Variants in RARB observed in about 807,000 individuals in gnomAD.
The protein encoded by RARB is HBV-activated protein.
Under a neutral mutation model 51.9 loss-of-function variants are expected in RARB, and 17 were observed. The observed-to-expected ratio is 0.33, with a 90% CI of 0.22 to 0.49. The LOEUF is 0.49. Among genes scored for constraint, RARB ranks in the 20% least tolerant of loss-of-function variants. The probability of loss-of-function intolerance (pLI) is 0.99; values close to 1 mark genes in which losing one functional copy is unlikely to be tolerated. For synonymous variants in RARB, 215 were observed against 195.4 expected, an observed-to-expected ratio of 1.10 and a Z score of -0.84; for missense variants, 369 against 550.8, an observed-to-expected ratio of 0.67 and a Z score of 3.30.
Position 25,357,424 on chromosome 3 carries a change from T to C in RARB, c.179-103769T>C, listed in dbSNP as rs1048835846. Among the ~76,000 whole-genome samples, 5 of 152,348 alleles carry C rather than the reference T, an allele frequency of 3.3e-5. No homozygotes were observed. The East Asian group carries it at 9.6e-4, about 29-fold the overall frequency. Reference sequence around the variant, plus strand: ...TTCTGGATATTAGCCCTTTGTCAGATGGATAGACTACAAAACTTTTCTCCC... The same window carrying C: ...TTCTGGATATTAGCCCTTTGTCAGACGGATAGACTACAAAACTTTTCTCCC... On this transcript the variant is annotated intron_variant, in intron 5 of 11. Transcript: ENST00000383772.
intron 5 of RARB, among the ~76,000 whole-genome samples, chr3:25,277,730 CTG>C (rs1302319627): frequency 2.6e-5 from 4 of 152,184 alleles, no homozygotes; most frequent in Non-Finnish European, 1.5e-5. Flanking sequence ...GTTGGCCATT[CTG>C]TGTGGGTCCC....
intron 5 of RARB, among the ~76,000 whole-genome samples, chr3:25,247,578 T>A (rs1425121786): frequency 2.0e-5 from 3 of 151,286 alleles, no homozygotes; most frequent in African/African-American, 7.3e-5. Flanking sequence ...GGGGAGGGAG[T>A]TCCCTCACCC....
chr3:25,375,032 T>C (rs1190211542), intron 5 of RARB, among the ~76,000 whole-genome samples: 1 of 151,834 alleles, frequency 6.6e-6, no homozygotes, highest in Admixed American at 6.6e-5. Flanking sequence ...TAGCCTTTAC[T>C]GAAAACTTAA....
intron 5 of RARB, among the ~76,000 whole-genome samples, chr3:25,362,430 T>C (rs549778610): frequency 6.6e-6 from 1 of 152,284 alleles, no homozygotes; most frequent in South Asian, 2.1e-4. Context: ...TGGGCTCCAA[T>C]GAGCAAGACC....
At chr3:25,429,869 T>C (rs1322994967) in intron 1 of RARB, among the ~76,000 whole-genome samples, 1 of 152,218 alleles carries the variant, frequency 6.6e-6, no homozygotes, top group Non-Finnish European at 1.5e-5. Context: ...TCTATCAAAA[T>C]GTTTTTAGTA....
At chr3:25,397,429 G>A (rs1029549244) in intron 5 of RARB, among the ~76,000 whole-genome samples, 6 of 152,100 alleles carry the variant, frequency 3.9e-5, no homozygotes, top group African/African-American at 1.4e-4. Flanking sequence ...TCCTTCAAAG[G>A]GTCTGTGAAT....
At chr3:25,482,633 A>C (rs528622058) in intron 2 of RARB, among the ~76,000 whole-genome samples, 9 of 133,548 alleles carry the variant, frequency 6.7e-5, no homozygotes, top group African/African-American at 2.5e-4. Flanking sequence ...TCTGCCTCCC[A>C]GGTTCAGGTG....
intron 2 of RARB, among the ~76,000 whole-genome samples, chr3:24,995,516 T>TG (rs1697002401): frequency 6.6e-6 from 1 of 152,004 alleles, no homozygotes. Flanking sequence ...AGAATAAAAG[T>TG]GGTGAGAGTG....
At chr3:24,876,163 G>A (rs1008942073) in intron 2 of RARB, among the ~76,000 whole-genome samples, 1 of 152,130 alleles carries the variant, frequency 6.6e-6, no homozygotes, top group East Asian at 1.9e-4. Flanking sequence ...TTAAGGTGGT[G>A]TCTAGTGGTT....
At chr3:25,255,424 A>C (rs1702839791) in intron 5 of RARB, among the ~76,000 whole-genome samples, 1 of 152,228 alleles carries the variant, frequency 6.6e-6, no homozygotes, top group South Asian at 2.1e-4. Context: ...ACTTTTGTGA[A>C]TTTCCTCCTC....
intron 2 of RARB, among the ~76,000 whole-genome samples, chr3:24,980,174 T>C (rs879252168): frequency 6.6e-6 from 1 of 152,198 alleles, no homozygotes; most frequent in Non-Finnish European, 1.5e-5. Context: ...GTAGGTAACC[T>C]GACCTTTCTC....
chr3:24,996,567 G>C (rs1179746233), intron 2 of RARB, among the ~76,000 whole-genome samples: 2 of 150,810 alleles, frequency 1.3e-5, no homozygotes, highest in East Asian at 3.9e-4. Flanking sequence ...AATCTTTCTA[G>C]TTCTTTGATG....
At chr3:25,038,760 A>G (rs926064589) in intron 2 of RARB, among the ~76,000 whole-genome samples, 21 of 152,192 alleles carry the variant, frequency 1.4e-4, no homozygotes, top group Non-Finnish European at 2.9e-4. Flanking sequence ...AACAATAGAA[A>G]AAGCATGAAG....
chr3:24,944,123 T>TA (rs768614984), intron 2 of RARB, among the ~76,000 whole-genome samples: 1 of 152,188 alleles, frequency 6.6e-6, no homozygotes, highest in Non-Finnish European at 1.5e-5. Context: ...CTTTACTGGA[T>TA]ATTATGAAGC....
rs563297014 is a variant in RARB, at chr3:25,334,080, G to C, written c.179-127113G>C. 2.6e-5 allele frequency among the ~76,000 whole-genome samples: 4 copies of C among 152,226 alleles called. No individual in the cohort carries two copies. In the East Asian group the frequency reaches 7.7e-4, roughly 29 times the overall value. ...CAGGAACACTTTTACACTGTTGGTG[G>C]GACTGTAAACTAGTTCAACCATTGT... On this transcript the variant is annotated intron_variant, in intron 5 of 11. Coordinates refer to the RARB transcript ENST00000383772.
At chr3:25,037,884 A>G (rs1431650763) in intron 2 of RARB, among the ~76,000 whole-genome samples, 2 of 152,176 alleles carry the variant, frequency 1.3e-5, no homozygotes, top group Non-Finnish European at 2.9e-5. Context: ...GAAATTTGGC[A>G]TAAGATGTGA....
At chr3:25,290,902 A>C (rs553301067) in intron 5 of RARB, among the ~76,000 whole-genome samples, 2 of 152,320 alleles carry the variant, frequency 1.3e-5, no homozygotes, top group African/African-American at 4.8e-5. Context: ...CTTGTGAATT[A>C]TAAGTGAAAT....
intron 2 of RARB, among the ~76,000 whole-genome samples, chr3:25,059,798 C>A (rs1408605492): frequency 6.6e-6 from 1 of 151,626 alleles, no homozygotes; most frequent in Non-Finnish European, 1.5e-5. Context: ...TTTGTCCCCC[C>A]AAATCAGAGT....
chr3:25,292,545 A>G (rs1703815775), intron 5 of RARB, among the ~76,000 whole-genome samples: 1 of 152,198 alleles, frequency 6.6e-6, no homozygotes, highest in African/African-American at 2.4e-5. Flanking sequence ...TATAAGATGA[A>G]AAAGTTCTTC....
Sources: allele counts gnomAD v4.1 joint callset (sites outside exome capture counted in the v4.1 genomes callset), GRCh38; gene constraint gnomAD v4.1.1; transcripts MANE v1.5; gene names NCBI Gene and HGNC (gene_info 2026-07-23, HGNC 2026-07-21).